PSMF1: variants seen among roughly 807,000 people sequenced by gnomAD.
PSMF1 encodes proteasome inhibitor subunit 1.
Under a neutral mutation model 29.3 loss-of-function variants are expected in PSMF1, and 30 were observed. The ratio of observed to expected loss-of-function variants is 1.02; its 90% confidence interval spans 0.77 to 1.39. The LOEUF (loss-of-function observed/expected upper bound fraction) is 1.39, where lower values mean the gene tolerates loss of function less well. Ranked by LOEUF, PSMF1 falls within the 40% of genes most tolerant of loss-of-function variation. PSMF1 has a pLI of 0.00. For synonymous variants in PSMF1, 134 were observed against 139.7 expected (o/e 0.96, Z 0.29); for missense variants, 344 against 357.5 (o/e 0.96, Z 0.31).
intron 4 of PSMF1, among the ~76,000 whole-genome samples, chr20:1,136,112 A>G (rs1600152095): frequency 1.3e-5 from 2 of 152,378 alleles, no homozygotes; most frequent in South Asian, 4.1e-4. Context: ...TATTCCAAGT[A>G]ATGATTGGCG....
intron 1 of PSMF1, among the ~76,000 whole-genome samples, chr20:1,123,139 T>C (rs1295657683): frequency 6.6e-6 from 1 of 152,240 alleles, no homozygotes; most frequent in Admixed American, 6.5e-5. Flanking sequence ...TTCAGGCCTA[T>C]GAATTTCATT....
In PSMF1 at chr20:1,166,006, A is replaced by C; in HGVS notation, c.*926A>C. 1 of 1,426,746 alleles carries C rather than the reference A, an allele frequency of 7.0e-7. No individual in the cohort carries two copies. Among genetic ancestry groups the C allele is most frequent in the Non-Finnish European group, 9.2e-7 (1 of 1,091,130 alleles). The allele number at this position is 1,426,746 out of a possible 1,614,324, so 88.4% of individuals were successfully genotyped here. A position where few individuals can be genotyped will look rare whatever the true frequency, so the allele number is the denominator to read the frequency against. Reference sequence around the variant, plus strand: ...CATTCTGTGTTTGGTAACCCCTATAAACTGGGGCAGAGGAAAAGAATGATG... The same window carrying C: ...CATTCTGTGTTTGGTAACCCCTATACACTGGGGCAGAGGAAAAGAATGATG... On this transcript the variant is annotated 3_prime_UTR_variant, in exon 7 of 7. Coordinates refer to ENST00000335877, the MANE Select transcript of PSMF1 (RefSeq NM_006814.5).
chr20:1,132,071 A>C (rs2086236681), intron 3 of PSMF1, among the ~76,000 whole-genome samples: 2 of 152,126 alleles, frequency 1.3e-5, no homozygotes, highest in Non-Finnish European at 2.9e-5. Context: ...TTGTCTGTAC[A>C]TCTGTGGATC....
In PSMF1 at chr20:1,118,654, G is replaced by A; in HGVS notation, c.-120G>A. ...GCGTCTCCATTTTGGTCTCAGGTGT[G>A]GACTCGGCAAGAACCAGCGCAAGAG... On this transcript the variant is annotated 5_prime_UTR_variant, in exon 1 of 7. Coordinates refer to ENST00000335877, the MANE Select transcript of PSMF1 (RefSeq NM_006814.5). 1.6e-6 allele frequency: 2 copies of A among 1,272,054 alleles called. No individual in the cohort carries two copies. The highest frequency in any genetic ancestry group is 1.5e-5 in the African/African-American group (1 of 66,304). 78.8% of individuals were successfully genotyped at this position (1,272,054 alleles called of 1,614,324 possible).
chr20:1,135,389 A>C (rs2086293732), intron 4 of PSMF1, 83 bp downstream of exon 4: 2 of 1,369,468 alleles, frequency 1.5e-6, no homozygotes, highest in African/African-American at 1.5e-5. Flanking sequence ...ACTTGACCCC[A>C]TCCCTGGCCC....
chr20:1,162,446 G>T lies in PSMF1; in HGVS notation c.552-684G>T, dbSNP rs1443346768. On this transcript the variant is annotated intron_variant, in intron 4 of 6. Coordinates refer to ENST00000335877, the MANE Select transcript of PSMF1 (RefSeq NM_006814.5). ...GACTTTTGAAGGACTGTGTATTTTT[G>T]TGTCTGTCTATATCTATATATATTA... is the stretch of plus-strand genomic sequence containing the variant. Among the ~76,000 whole-genome samples the T allele has an allele frequency of 2.0e-5, 3 of 152,038 alleles. No homozygotes were observed. The East Asian group carries it at 5.8e-4, about 29-fold the overall frequency.
At chr20:1,115,844 T>C (rs923916780), upstream of PSMF1, among the ~76,000 whole-genome samples, 2 of 151,792 alleles carry the variant, frequency 1.3e-5, no homozygotes, top group African/African-American at 2.4e-5. Context: ...GCGATTCTCC[T>C]GCCTCAGCCT....
chr20:1,128,116 T>C (rs1049734670), intron 3 of PSMF1, among the ~76,000 whole-genome samples: 2 of 152,212 alleles, frequency 1.3e-5, no homozygotes, highest in East Asian at 1.9e-4. Context: ...ACAGAATAGT[T>C]TGACTACCCT....
intron 4 of PSMF1, chr20:1,160,869 G>T: frequency 2.2e-6 from 1 of 453,810 alleles, no homozygotes; most frequent in Non-Finnish European, 4.4e-6. Context: ...AGCTGCATGT[G>T]TTCCTGGAGG....
intron 1 of PSMF1, among the ~76,000 whole-genome samples, chr20:1,120,419 T>TGC (rs1445085482): frequency 6.6e-6 from 1 of 152,202 alleles, no homozygotes; most frequent in Non-Finnish European, 1.5e-5. Context: ...TTTCTCTTTG[T>TGC]GCTGCTCTTC....
At chr20:1,147,670 C>A (rs756418066) in intron 4 of PSMF1, among the ~76,000 whole-genome samples, 2 of 152,168 alleles carry the variant, frequency 1.3e-5, no homozygotes, top group Non-Finnish European at 2.9e-5. Context: ...CAGATCTCCC[C>A]TCTGTAATCA....
chr20:1,131,399 A>G (rs1233267426), intron 3 of PSMF1, among the ~76,000 whole-genome samples: 1 of 152,128 alleles, frequency 6.6e-6, no homozygotes, highest in Non-Finnish European at 1.5e-5. Flanking sequence ...GAAATGAGGG[A>G]CACAATAGTA....
At chr20:1,123,455 T>G (rs1389887505) in intron 1 of PSMF1, among the ~76,000 whole-genome samples, 1 of 152,202 alleles carries the variant, frequency 6.6e-6, no homozygotes, top group Non-Finnish European at 1.5e-5. Context: ...TTATAGCATT[T>G]TTTTGTGCTT....
chr20:1,161,359 A>G (rs2086664991), intron 4 of PSMF1: 5 of 344,746 alleles, frequency 1.5e-5, no homozygotes, highest in Non-Finnish European at 2.7e-5. Flanking sequence ...GTGTTGTTCC[A>G]GCCCTTCTTT....
intron 4 of PSMF1, among the ~76,000 whole-genome samples, chr20:1,147,646 A>G (rs1568476584): frequency 6.6e-6 from 1 of 152,058 alleles, no homozygotes; most frequent in Non-Finnish European, 1.5e-5. Flanking sequence ...GCCTCTAGCA[A>G]ATTGACAGCC....
At chr20:1,125,954 C>T (rs891026446) in intron 2 of PSMF1, 1 of 517,594 alleles carries the variant, frequency 1.9e-6, no homozygotes, top group Non-Finnish European at 3.8e-6. Flanking sequence ...TGGGCTACTT[C>T]AGTTCCTTAA....
chr20:1,132,614 A>G (rs943701105), intron 3 of PSMF1, among the ~76,000 whole-genome samples: 1 of 152,144 alleles, frequency 6.6e-6, no homozygotes, highest in Non-Finnish European at 1.5e-5. Context: ...AAGCTTGTGT[A>G]TATCTATGAA....
At position 1,119,046 on chromosome 20, in the gene PSMF1, C is replaced by T. The variant is rs748905856; in HGVS notation, c.129+144C>T. 596 of 1,199,104 alleles carry T rather than the reference C, an allele frequency of 5.0e-4. 4 individuals carry two copies. The highest frequency in any genetic ancestry group is 2.4e-3 in the Middle Eastern group (11 of 4,640). The allele number at this position is 1,199,104 out of a possible 1,614,324, so 74.3% of individuals were successfully genotyped here. A position where few individuals can be genotyped will look rare whatever the true frequency, so the allele number is the denominator to read the frequency against. On this transcript the variant is annotated intron_variant, in intron 1 of 6. Coordinates refer to ENST00000335877, the MANE Select transcript of PSMF1 (RefSeq NM_006814.5). ...CAGATGGCAGCGTTGGTAAAACCTG[C>T]GGGTCGGAGGTTGCTCACCTGCCCC... is the stretch of plus-strand genomic sequence containing the variant.
intron 4 of PSMF1, among the ~76,000 whole-genome samples, chr20:1,148,543 T>A (rs1325660809): frequency 6.6e-6 from 1 of 152,248 alleles, no homozygotes; most frequent in East Asian, 1.9e-4. Context: ...CCAACCAATC[T>A]GTATCTTTAC....
Sources: gnomAD v4.1 joint callset for allele counts (sites outside exome capture counted in the v4.1 genomes callset) on GRCh38, gnomAD v4.1.1 for gene constraint, MANE v1.5 for transcripts, NCBI Gene and HGNC (gene_info 2026-07-23, HGNC 2026-07-21) for gene names.